QPCT: variants seen among roughly 807,000 people sequenced by gnomAD.
QPCT encodes the protein EC.
In QPCT, 44 loss-of-function variants were observed where a neutral mutation model predicts 43.4. The ratio of observed to expected loss-of-function variants is 1.01; its 90% CI spans 0.80 to 1.30. The LOEUF (loss-of-function observed/expected upper bound fraction) is 1.30. QPCT is among the 50% of genes most tolerant of loss of function. The pLI, the probability that QPCT is intolerant of heterozygous loss-of-function variation, is 0.00. For missense variants in QPCT, 526 were observed against 436.5 expected (o/e 1.21, Z -1.83); for synonymous variants, 168 against 168.4 (o/e 1.00, Z 0.02).
At chr2:37,366,375 A>G (rs1043423134) in intron 3 of QPCT, among the ~76,000 whole-genome samples, 1 of 152,150 alleles carries the variant, frequency 6.6e-6, no homozygotes, top group Admixed American at 6.5e-5. Flanking sequence ...GAGGACTTTA[A>G]TGTTACATTT....
chr2:37,359,985 T>G (rs1672830049), intron 3 of QPCT, 127 bp downstream of exon 3: 1 of 1,012,862 alleles, frequency 9.9e-7, no homozygotes, highest in Non-Finnish European at 1.4e-6. Context: ...ATTTTTATTA[T>G]GAACATTAAT....
chr2:37,367,700 C>T (rs78939209), intron 4 of QPCT, among the ~76,000 whole-genome samples: 4,575 of 151,984 alleles, frequency 0.03, 95 homozygotes, highest in African/African-American at 0.071. Context: ...AAGGGGACTT[C>T]GTCTCTACAA....
chr2:37,358,461 C>CAAAACAAAACAAAACA lies in QPCT; in HGVS notation c.268-1116_268-1115insACAAAACAAAACAAAA, dbSNP rs573104238. ...AACAACAAAACAAAACAAAACAAAA[C>CAAAACAAAACAAAACA]AAACAAACAAACAAAAAACCAAGGA... On this transcript the variant is annotated intron_variant, in intron 2 of 6. Coordinates refer to ENST00000338415, the MANE Select transcript of QPCT (RefSeq NM_012413.4). 2.7e-3 allele frequency among the ~76,000 whole-genome samples: 411 copies of CAAAACAAAACAAAACA among 151,352 alleles called. 2 individuals carry two copies. The highest frequency in any genetic ancestry group is 8.9e-3 in the African/African-American group (362 of 40,848).
In QPCT at chr2:37,363,411, C is replaced by A. The variant is rs1672892651; in HGVS notation, c.546+3553C>A. Among the ~76,000 whole-genome samples the A allele has an allele frequency of 2.8e-5, 4 of 145,064 alleles. No individual in the cohort carries two copies. The Admixed American group carries it at 2.9e-4, about 11-fold the overall frequency. ...GCCGAGGTGGGAGGATTGCTTGAGG[C>A]CAAGAGTTTGAGACCAGCCTGGGCA... is the stretch of plus-strand genomic sequence containing the variant. On this transcript the variant is annotated intron_variant, in intron 3 of 6. Transcript: ENST00000338415.
At position 37,367,277 on chromosome 2, in the gene QPCT, T is replaced by C; in HGVS notation, c.592T>C (p.Phe198Leu). 1 of 1,614,120 alleles carries C rather than the reference T, an allele frequency of 6.2e-7. No individual in the cohort carries two copies. The highest frequency in any genetic ancestry group is 1.1e-5 in the South Asian group (1 of 91,088). Residue 198 changes from phenylalanine to leucine, a missense_variant, in exon 4 of 7, where the codon TTT (phenylalanine) becomes CTT (leucine). By Grantham distance (22) the Phe-to-Leu change is conservative. Transcript: ENST00000338415. Reference sequence around the variant, plus strand: ...AGATTTGTCACTCCAGCTGATCTTCTTTGATGGTGAAGAGGCTTTTCTTCA... The same window carrying C: ...AGATTTGTCACTCCAGCTGATCTTCCTTGATGGTGAAGAGGCTTTTCTTCA... ...KPDLSLQLIF[F>L]DGEEAFLHWS...
In QPCT at chr2:37,372,477, TGTG is replaced by T; in HGVS notation, c.940+6_940+8del. ...ATATTCCATTTTTAAGAAGAGGTAA[TGTG>T]TGTGTGTGTGTGTGTTTGTGTGTGT... On this transcript the variant is annotated splice_donor_region_variant and intron_variant, in intron 6 of 6. Transcript: ENST00000338415. 1 of 1,045,564 alleles carries T rather than the reference TGTG, an allele frequency of 9.6e-7. No individual in the cohort carries two copies. Among genetic ancestry groups the T allele is most frequent in the Non-Finnish European group, 1.3e-6 (1 of 748,334 alleles). 64.8% of individuals were successfully genotyped at this position (1,045,564 alleles called of 1,614,324 possible). A position where few individuals can be genotyped will look rare whatever the true frequency, so the allele number is the denominator to read the frequency against.
At chr2:37,371,305 T>C (rs1036440182) in intron 5 of QPCT, among the ~76,000 whole-genome samples, 6 of 151,952 alleles carry the variant, frequency 3.9e-5, no homozygotes, top group Non-Finnish European at 8.8e-5. Flanking sequence ...TTCATTCAAT[T>C]TTAACCCATT....
At chr2:37,349,224 C>G (rs149937489) in intron 1 of QPCT, among the ~76,000 whole-genome samples, 5 of 152,178 alleles carry the variant, frequency 3.3e-5, no homozygotes, top group African/African-American at 9.7e-5. Context: ...AGTCAGGGCT[C>G]TTTACTGAAG....
At chr2:37,354,124 G>A (rs533534587) in intron 2 of QPCT, among the ~76,000 whole-genome samples, 11 of 152,276 alleles carry the variant, frequency 7.2e-5, no homozygotes, top group East Asian at 3.9e-4. Flanking sequence ...TCGGCCTCCC[G>A]AAGTGCTGGG....
intron 3 of QPCT, among the ~76,000 whole-genome samples, chr2:37,363,649 T>C (rs867312670): frequency 3.0e-4 from 42 of 138,736 alleles, no homozygotes; most frequent in African/African-American, 1.1e-3. Context: ...ATAAATACTT[T>C]TTTAAAATGT....
intron 5 of QPCT, 143 bp downstream of exon 5, chr2:37,369,927 A>C: frequency 1.4e-6 from 1 of 714,200 alleles, no homozygotes; most frequent in Non-Finnish European, 2.4e-6. Context: ...CAAGGCAGGC[A>C]GATCAGCTAG....
chr2:37,353,696 A>T (rs1672671984), intron 2 of QPCT, among the ~76,000 whole-genome samples: 1 of 152,088 alleles, frequency 6.6e-6, no homozygotes, highest in Non-Finnish European at 1.5e-5. Context: ...AGCAATCTGA[A>T]ACCTCACCTC....
Position 37,352,941 on chromosome 2 carries a change from A to G in QPCT, c.267+6A>G. On this transcript the variant is annotated splice_donor_region_variant and intron_variant, in intron 2 of 6. Coordinates refer to ENST00000338415, the MANE Select transcript of QPCT (RefSeq NM_012413.4). ...GAAGCTATGCTGCTCGTCAGGTGAG[A>G]ACATGGGACACAAACCTCAAGCTTG... The G allele has an allele frequency of 3.1e-6, 5 of 1,609,904 alleles. No homozygotes were observed. The highest frequency in any genetic ancestry group is 1.7e-6 in the Non-Finnish European group (2 of 1,176,722).
intron 1 of QPCT, 109 bp downstream of exon 1, chr2:37,344,960 G>T: frequency 7.0e-7 from 1 of 1,420,928 alleles, no homozygotes; most frequent in Non-Finnish European, 9.2e-7. Flanking sequence ...GCAGGGCCAC[G>T]GTCCCCAGCC....
In QPCT at chr2:37,372,429, T is replaced by A. The variant is rs1355240606; in HGVS notation, c.897T>A (p.Tyr299Ter). 3.1e-6 allele frequency: 5 copies of A among 1,614,066 alleles called. No homozygotes were observed. The highest frequency in any genetic ancestry group is 3.4e-6 in the Non-Finnish European group (4 of 1,179,940). Residue 299 changes from tyrosine to a stop codon, truncating the protein, a stop_gained, in exon 6 of 7, where the codon TAT becomes TAA. Transcript: ENST00000338415. LOFTEE classifies it high-confidence loss of function. ...LEGRYFQNYS[Y>*]GGVIQDDHIP... ...GGCGGTATTTCCAGAATTACAGTTA[T>A]GGAGGTGTGATTCAGGATGACCATA...
At chr2:37,360,353 G>T (rs965751056) in intron 3 of QPCT, among the ~76,000 whole-genome samples, 5 of 152,100 alleles carry the variant, frequency 3.3e-5, no homozygotes, top group Non-Finnish European at 7.4e-5. Context: ...ATGCATTATT[G>T]TTATTATCTG....
intron 3 of QPCT, among the ~76,000 whole-genome samples, chr2:37,361,996 C>T (rs993234593): frequency 1.3e-5 from 2 of 152,114 alleles, no homozygotes; most frequent in African/African-American, 4.8e-5. Flanking sequence ...TGAAATGAAG[C>T]AAAAAGAGCA....
chr2:37,346,318 G>A (rs960132137), intron 1 of QPCT, among the ~76,000 whole-genome samples: 1 of 152,222 alleles, frequency 6.6e-6, no homozygotes, highest in East Asian at 1.9e-4. Context: ...GGGGGCCCAT[G>A]AAGAAGAACG....
intron 1 of QPCT, among the ~76,000 whole-genome samples, chr2:37,349,763 T>C (rs1343632260): frequency 6.6e-6 from 1 of 152,164 alleles, no homozygotes; most frequent in Non-Finnish European, 1.5e-5. Context: ...TTGCAGCAGG[T>C]AGCCACCTGT....
Sources: allele counts gnomAD v4.1 joint callset (sites outside exome capture counted in the v4.1 genomes callset), GRCh38; gene constraint gnomAD v4.1.1; transcripts MANE v1.5; gene names NCBI Gene and HGNC (gene_info 2026-07-23, HGNC 2026-07-21).